Variants in KAZN observed in about 807,000 individuals in gnomAD.
KAZN encodes kazrin, periplakin interacting protein.
Under a neutral mutation model 87.4 loss-of-function variants are expected in KAZN, and 40 were observed. The observed-to-expected ratio is 0.46, with a 90% CI of 0.36 to 0.60. The LOEUF is 0.60. Among genes scored for constraint, KAZN ranks in the 20% least tolerant of loss-of-function variants. The pLI, the probability that KAZN is intolerant of heterozygous loss-of-function variation, is 0.00. For missense variants in KAZN, 898 were observed against 1,073.9 expected (o/e 0.84, Z 2.29); for synonymous variants, 466 against 458.3 (o/e 1.02, Z -0.22).
intron 1 of KAZN, among the ~76,000 whole-genome samples, chr1:14,040,007 T>C (rs1641731337): frequency 6.6e-6 from 1 of 152,208 alleles, no homozygotes; most frequent in Non-Finnish European, 1.5e-5. Context: ...GGGTAATAAA[T>C]TCATCTGGCT....
chr1:14,343,902 A>G (rs528667178), intron 2 of KAZN, among the ~76,000 whole-genome samples: 16 of 152,240 alleles, frequency 1.1e-4, no homozygotes, highest in Admixed American at 1.0e-3. Flanking sequence ...TTGGGTCCCC[A>G]TTTTGTTTTT....
At chr1:14,823,092 C>T (rs956497105) in intron 1 of KAZN, among the ~76,000 whole-genome samples, 1 of 151,942 alleles carries the variant, frequency 6.6e-6, no homozygotes, top group African/African-American at 2.4e-5. Context: ...CCCCTGCAAC[C>T]AGCCCCGTTC....
chr1:14,448,431 A>G (rs1317472446), intron 2 of KAZN, among the ~76,000 whole-genome samples: 5 of 152,242 alleles, frequency 3.3e-5, no homozygotes, highest in Non-Finnish European at 5.9e-5. Context: ...CCAACAGATA[A>G]CTGGAAGGTG....
chr1:14,956,472 G>C (rs1286944982), intron 1 of KAZN, among the ~76,000 whole-genome samples: 2 of 151,956 alleles, frequency 1.3e-5, no homozygotes, highest in African/African-American at 2.4e-5. Context: ...GTGGTGGCGG[G>C]TTTGTAGCCT....
At chr1:14,081,281 G>A (rs927290496) in intron 1 of KAZN, among the ~76,000 whole-genome samples, 3 of 152,084 alleles carry the variant, frequency 2.0e-5, no homozygotes, top group South Asian at 2.1e-4. Flanking sequence ...TTGGGGCCCC[G>A]TTGTTGAAGA....
intron 11 of KAZN, among the ~76,000 whole-genome samples, chr1:15,102,141 T>A (rs944833590): frequency 1.1e-4 from 16 of 152,090 alleles, no homozygotes; most frequent in Non-Finnish European, 1.9e-4. Flanking sequence ...TGGGAGATTG[T>A]CCCAGTGAGG....
chr1:13,969,275 G>A (rs969449437), intron 1 of KAZN, among the ~76,000 whole-genome samples: 1 of 152,168 alleles, frequency 6.6e-6, no homozygotes, highest in Non-Finnish European at 1.5e-5. Flanking sequence ...TGGAAATAGA[G>A]TCATTGCAGA....
intron 1 of KAZN, among the ~76,000 whole-genome samples, chr1:14,104,898 AT>A (rs563409862): frequency 1.3e-5 from 2 of 151,836 alleles, no homozygotes; most frequent in East Asian, 1.9e-4. Context: ...TTTATTTTGC[AT>A]TTTTTTCCCA....
At chr1:15,045,464 C>T (rs555499948) in intron 4 of KAZN, among the ~76,000 whole-genome samples, 46 of 152,288 alleles carry the variant, frequency 3.0e-4, no homozygotes, top group Admixed American at 1.1e-3. Flanking sequence ...CGATCCCCTG[C>T]GCAGCTAAAT....
At chr1:14,699,744 A>G (rs1641817550) in intron 1 of KAZN, among the ~76,000 whole-genome samples, 1 of 152,226 alleles carries the variant, frequency 6.6e-6, no homozygotes, top group East Asian at 1.9e-4. Flanking sequence ...TTTGACAGCC[A>G]TCTCTTCAAA....
intron 1 of KAZN, among the ~76,000 whole-genome samples, chr1:13,992,811 A>G (rs1467177309): frequency 6.6e-6 from 1 of 152,162 alleles, no homozygotes; most frequent in Non-Finnish European, 1.5e-5. Context: ...GAGAAAAACC[A>G]GCTCATCTCC....
At chr1:14,135,013 A>ACACG (rs773956027) in intron 1 of KAZN, among the ~76,000 whole-genome samples, 2,025 of 77,122 alleles carry the variant, frequency 0.026, 31 homozygotes, top group African/African-American at 0.062. Flanking sequence ...ATGTGCACAC[A>ACACG]TGCACACATA....
intron 2 of KAZN, among the ~76,000 whole-genome samples, chr1:14,432,902 C>A (rs1451999828): frequency 6.6e-6 from 1 of 152,004 alleles, no homozygotes; most frequent in African/African-American, 2.4e-5. Flanking sequence ...AGGACATGAT[C>A]TTATTCTTTT....
chr1:13,998,461 T>C (rs549524889), intron 1 of KAZN, among the ~76,000 whole-genome samples: 1 of 152,162 alleles, frequency 6.6e-6, no homozygotes, highest in Non-Finnish European at 1.5e-5. Context: ...TCCATTGGTG[T>C]GCTGTATTCA....
At chr1:14,146,536 C>CAAAAAAAAAAAAAA (rs55928646) in intron 1 of KAZN, among the ~76,000 whole-genome samples, 58 of 63,334 alleles carry the variant, frequency 9.2e-4, no homozygotes, top group East Asian at 1.5e-3. Flanking sequence ...AACTCCATCT[C>CAAAAAAAAAAAAAA]AAAAAAAAAA....
At chr1:14,932,857 G>A (rs1471111369) in intron 1 of KAZN, among the ~76,000 whole-genome samples, 1 of 151,746 alleles carries the variant, frequency 6.6e-6, no homozygotes, top group Admixed American at 6.6e-5. Context: ...ACCATTGTTC[G>A]ATATTCAATT....
chr1:15,063,236 C>G (rs140793076), intron 6 of KAZN: 175 of 309,278 alleles, frequency 5.7e-4, no homozygotes, highest in African/African-American at 3.4e-3. Context: ...AGCACCAAGT[C>G]TAACCAAGCT....
intron 2 of KAZN, among the ~76,000 whole-genome samples, chr1:14,989,864 A>G (rs960515694): frequency 1.3e-5 from 2 of 152,184 alleles, no homozygotes; most frequent in African/African-American, 4.8e-5. Context: ...CGAGCATTGC[A>G]TGTTAGACGA....
intron 1 of KAZN, among the ~76,000 whole-genome samples, chr1:13,952,226 T>A (rs1015017275): frequency 5.3e-5 from 8 of 152,066 alleles, no homozygotes; most frequent in Middle Eastern, 3.2e-3. Context: ...AAAAGGGTTC[T>A]GGTTTGGAGA....
Sources: gnomAD v4.1 joint callset for allele counts (sites outside exome capture counted in the v4.1 genomes callset) on GRCh38, gnomAD v4.1.1 for gene constraint, MANE v1.5 for transcripts, NCBI Gene and HGNC (gene_info 2026-07-23, HGNC 2026-07-21) for gene names.